Variants in CSRNP3 observed in about 807,000 individuals in gnomAD.
CSRNP3 encodes the protein cysteine and serine rich nuclear protein 3, also known as cysteine/serine-rich nuclear protein 3.
In CSRNP3, 12 loss-of-function variants were observed where a neutral mutation model predicts 48.0. The observed-to-expected ratio is 0.25, with a 90% confidence interval of 0.16 to 0.41. The LOEUF (loss-of-function observed/expected upper bound fraction) is 0.41. CSRNP3 is among the 10% of genes least tolerant of loss of function. CSRNP3 has a pLI of 1.00. For missense variants in CSRNP3, 580 were observed against 724.4 expected, an observed-to-expected ratio of 0.80 and a Z score of 2.29; for synonymous variants, 263 against 269.7, an observed-to-expected ratio of 0.98 and a Z score of 0.24.
At chr2:165,640,392 T>A (rs1686704869) in intron 4 of CSRNP3, among the ~76,000 whole-genome samples, 2 of 152,208 alleles carry the variant, frequency 1.3e-5, no homozygotes, top group Admixed American at 6.5e-5. Context: ...CTATTCATGT[T>A]TATACCATTA....
In CSRNP3 at chr2:165,532,239, T is replaced by G. The variant is rs539728398; in HGVS notation, c.-24+14278T>G. ...CCAGCATCATCCTGATACCAAAGCC[T>G]GGCAGAGACACAACCAAAAAAGGGA... On this transcript the variant is annotated intron_variant, in intron 3 of 6. Coordinates refer to ENST00000651982, the MANE Select transcript of CSRNP3 (RefSeq NM_001172173.2). 1.6e-3 allele frequency among the ~76,000 whole-genome samples: 251 copies of G among 152,262 alleles called. 9 individuals are homozygous for G. In the South Asian group the frequency reaches 0.051, roughly 31 times the overall value.
At position 165,679,324 on chromosome 2, in the gene CSRNP3, T is replaced by C. The variant is rs376459154; in HGVS notation, c.1329T>C (p.Ile443=). Residue 443 remains isoleucine, a synonymous_variant, in exon 7 of 7, where the codon ATT becomes ATC. Transcript: ENST00000651982. ...TGTATTACCAAATAGATAGCCACATTCCAGGAACTCCAAATCAGATCTCTG... is the reference window on the plus strand; with the variant it reads ...TGTATTACCAAATAGATAGCCACATCCCAGGAACTCCAAATCAGATCTCTG... The part of the protein sequence containing the change: ...STLYYQIDSH[I]PGTPNQISEN... 1 of 1,613,682 alleles carries C rather than the reference T, an allele frequency of 6.2e-7. No homozygotes were observed. Among genetic ancestry groups the C allele is most frequent in the East Asian group, 2.2e-5 (1 of 44,854 alleles).
intron 5 of CSRNP3, among the ~76,000 whole-genome samples, chr2:165,664,838 G>T (rs546459313): frequency 6.6e-6 from 1 of 151,714 alleles, no homozygotes; most frequent in African/African-American, 2.4e-5. Flanking sequence ...CTGGTGGTAA[G>T]CAAAAAACAA....
At chr2:165,615,167 T>C (rs1473473386) in intron 4 of CSRNP3, among the ~76,000 whole-genome samples, 1 of 152,232 alleles carries the variant, frequency 6.6e-6, no homozygotes, top group African/African-American at 2.4e-5. Flanking sequence ...TGAAGTCCTA[T>C]TATTGCTTTT....
At chr2:165,498,885 T>C (rs1287944032) in intron 2 of CSRNP3, among the ~76,000 whole-genome samples, 2 of 152,156 alleles carry the variant, frequency 1.3e-5, no homozygotes, top group Non-Finnish European at 2.9e-5. Flanking sequence ...GAATTGATAC[T>C]GTAGCTACAT....
At chr2:165,578,097 C>A (rs567743871) in intron 3 of CSRNP3, among the ~76,000 whole-genome samples, 2 of 152,124 alleles carry the variant, frequency 1.3e-5, no homozygotes, top group South Asian at 4.1e-4. Flanking sequence ...GAGTCTCTAA[C>A]AGGTATACAA....
intron 5 of CSRNP3, among the ~76,000 whole-genome samples, chr2:165,663,316 A>G (rs1185225495): frequency 1.3e-5 from 2 of 152,174 alleles, no homozygotes; most frequent in Non-Finnish European, 2.9e-5. Context: ...AACTCCACTT[A>G]TCCTTACAGA....
At chr2:165,541,139 T>C (rs573391572) in intron 3 of CSRNP3, among the ~76,000 whole-genome samples, 3 of 152,088 alleles carry the variant, frequency 2.0e-5, no homozygotes, top group South Asian at 2.1e-4. Flanking sequence ...GTTCGAATTC[T>C]AGCTCAATCC....
intron 4 of CSRNP3, among the ~76,000 whole-genome samples, chr2:165,636,643 G>A (rs1263698936): frequency 6.6e-6 from 1 of 152,170 alleles, no homozygotes; most frequent in Admixed American, 6.5e-5. Flanking sequence ...AAGTAGGTGT[G>A]TAACTATAAA....
chr2:165,603,529 C>T (rs1685952549), intron 4 of CSRNP3, among the ~76,000 whole-genome samples: 2 of 152,120 alleles, frequency 1.3e-5, no homozygotes, highest in African/African-American at 4.8e-5. Context: ...TTCCTCTCCT[C>T]ATCCACTTTT....
At chr2:165,666,956 A>AGAGAGAGAGAGAGAG (rs1687231639) in intron 5 of CSRNP3, among the ~76,000 whole-genome samples, 1 of 32,092 alleles carries the variant, frequency 3.1e-5, no homozygotes, top group African/African-American at 8.2e-5. Context: ...GAGAGAGAGG[A>AGAGAGAGAGAGAGAG]AGGAAGGAAG....
intron 3 of CSRNP3, chr2:165,566,692 C>A (rs181589698): frequency 3.2e-4 from 49 of 151,940 alleles, no homozygotes; most frequent in African/African-American, 1.1e-3. Context: ...TTGCATTGCC[C>A]AGGCTGTATA....
chr2:165,559,869 G>A (rs1272058759), intron 3 of CSRNP3, among the ~76,000 whole-genome samples: 4 of 134,446 alleles, frequency 3.0e-5, no homozygotes, highest in East Asian at 2.2e-4. Flanking sequence ...GCACGATCTC[G>A]GCTCACTGCA....
At chr2:165,642,859 G>C (rs1238979808) in intron 4 of CSRNP3, among the ~76,000 whole-genome samples, 1 of 152,160 alleles carries the variant, frequency 6.6e-6, no homozygotes, top group Non-Finnish European at 1.5e-5. Context: ...ACCACGCCCA[G>C]CTTGCATATT....
chr2:165,640,192 A>T (rs1686701095), intron 4 of CSRNP3, among the ~76,000 whole-genome samples: 1 of 152,230 alleles, frequency 6.6e-6, no homozygotes, highest in African/African-American at 2.4e-5. Flanking sequence ...CTTATACAGT[A>T]CTTACTACGT....
intron 4 of CSRNP3, among the ~76,000 whole-genome samples, chr2:165,599,297 GAA>G (rs1406730380): frequency 7.0e-6 from 1 of 142,490 alleles, no homozygotes; most frequent in Non-Finnish European, 1.6e-5. Context: ...AAGAAAGAAA[GAA>G]AGAAAGAAAG....
intron 3 of CSRNP3, among the ~76,000 whole-genome samples, chr2:165,553,880 T>A (rs979985654): frequency 1.3e-5 from 2 of 152,220 alleles, no homozygotes; most frequent in South Asian, 2.1e-4. Flanking sequence ...TTTAAAAAAA[T>A]TTACAAATGA....
intron 4 of CSRNP3, among the ~76,000 whole-genome samples, chr2:165,647,378 T>TA (rs925811277): frequency 1.6e-4 from 25 of 151,884 alleles, no homozygotes; most frequent in East Asian, 5.8e-4. Flanking sequence ...ATGCTTACAA[T>TA]AAAAAAAACC....
chr2:165,573,753 A>G (rs1685406375), intron 3 of CSRNP3, among the ~76,000 whole-genome samples: 1 of 152,234 alleles, frequency 6.6e-6, no homozygotes, highest in Admixed American at 6.5e-5. Context: ...AGTGACTAAT[A>G]TAAATTTACG....
Sources: gnomAD v4.1 joint callset for allele counts (sites outside exome capture counted in the v4.1 genomes callset) on GRCh38, gnomAD v4.1.1 for gene constraint, MANE v1.5 for transcripts, NCBI Gene and HGNC (gene_info 2026-07-23, HGNC 2026-07-21) for gene names.